The following PTPRT variants were observed in gnomAD, a reference collection of about 807,000 sequenced individuals.
The protein encoded by PTPRT is protein tyrosine phosphatase receptor type T.
In PTPRT, 56 loss-of-function variants were observed where a neutral mutation model predicts 176.8. The observed-to-expected ratio is 0.32, with a 90% CI of 0.26 to 0.40. The LOEUF (loss-of-function observed/expected upper bound fraction) is 0.40. Ranked by LOEUF, PTPRT falls within the 10% of genes least tolerant of loss-of-function variation. The pLI, the probability that PTPRT is intolerant of heterozygous loss-of-function variation, is 1.00. For missense variants in PTPRT, 1,540 were observed against 1,908.2 expected (o/e 0.81, Z 3.60); for synonymous variants, 783 against 739.0 (o/e 1.06, Z -0.96).
At chr20:43,166,342 A>AC (rs1250305258) in intron 1 of PTPRT, among the ~76,000 whole-genome samples, 1 of 150,712 alleles carries the variant, frequency 6.6e-6, no homozygotes, top group African/African-American at 2.4e-5. Flanking sequence ...AAAAAAAAAA[A>AC]CCCTCTATGG....
chr20:42,633,879 TA>T (rs2074481002), intron 7 of PTPRT, among the ~76,000 whole-genome samples: 2 of 83,248 alleles, frequency 2.4e-5, no homozygotes, highest in Admixed American at 2.2e-4. Context: ...TATAATATAT[TA>T]TAATATAATT....
intron 1 of PTPRT, among the ~76,000 whole-genome samples, chr20:43,023,293 T>C (rs570945568): frequency 4.6e-5 from 7 of 152,196 alleles, no homozygotes; most frequent in Non-Finnish European, 8.8e-5. Context: ...GCATAATGAC[T>C]GTGTGTGACC....
chr20:42,965,960 G>T (rs941449516), intron 1 of PTPRT, among the ~76,000 whole-genome samples: 1 of 152,168 alleles, frequency 6.6e-6, no homozygotes, highest in African/African-American at 2.4e-5. Context: ...AAGCTAGAAG[G>T]TGCAGAAAAG....
chr20:42,425,540 A>G (rs2059155529), intron 9 of PTPRT, among the ~76,000 whole-genome samples: 2 of 152,304 alleles, frequency 1.3e-5, no homozygotes, highest in East Asian at 3.9e-4. Context: ...AGTTCTGGGG[A>G]TCTAATCTAC....
intron 1 of PTPRT, among the ~76,000 whole-genome samples, chr20:43,154,195 TAC>T (rs576286964): frequency 6.4e-4 from 98 of 152,368 alleles, no homozygotes; most frequent in Non-Finnish European, 1.0e-3. Context: ...TTGATTTTTG[TAC>T]ACGGTGAGAG....
At chr20:42,800,508 G>C (rs905689340) in intron 2 of PTPRT, among the ~76,000 whole-genome samples, 5 of 152,176 alleles carry the variant, frequency 3.3e-5, no homozygotes, top group Non-Finnish European at 7.3e-5. Flanking sequence ...ATTGGGCTGA[G>C]TCCCTTGCTT....
At chr20:42,121,743 AT>A (rs2146336808) in intron 19 of PTPRT, among the ~76,000 whole-genome samples, 1 of 146,972 alleles carries the variant, frequency 6.8e-6, no homozygotes, top group South Asian at 2.1e-4. Flanking sequence ...ATGGATATAT[AT>A]GAAGAGATAT....
chr20:42,972,418 T>C (rs910618768), intron 1 of PTPRT, among the ~76,000 whole-genome samples: 1 of 151,526 alleles, frequency 6.6e-6, no homozygotes, highest in African/African-American at 2.4e-5. Context: ...TGCCAACACT[T>C]AGGGAGGCCG....
At chr20:42,042,737 T>C in the PTPRT span, among the ~76,000 whole-genome samples, 1 of 152,342 alleles carries the variant, frequency 6.6e-6, no homozygotes, top group Middle Eastern at 3.4e-3. Flanking sequence ...ACCAGCCTTA[T>C]AGCCAGTTAG....
At chr20:42,525,469 T>C (rs1465415546) in intron 7 of PTPRT, among the ~76,000 whole-genome samples, 3 of 152,210 alleles carry the variant, frequency 2.0e-5, no homozygotes, top group African/African-American at 7.2e-5. Flanking sequence ...GTGCTGTATA[T>C]TCACTTACAA....
intron 3 of PTPRT, 95 bp from the exon 4 acceptor site, chr20:42,780,394 TC>T: frequency 1.1e-6 from 1 of 928,700 alleles, no homozygotes; most frequent in Non-Finnish European, 1.7e-6. Context: ...TGTTTCAACT[TC>T]CCATCAGAAG....
intron 9 of PTPRT, among the ~76,000 whole-genome samples, chr20:42,439,856 G>A (rs541946782): frequency 3.9e-5 from 6 of 152,172 alleles, no homozygotes; most frequent in African/African-American, 1.4e-4. Context: ...GTAACTAGAC[G>A]CCTATTTATT....
At chr20:42,335,008 T>A (rs2058020872) in intron 11 of PTPRT, among the ~76,000 whole-genome samples, 1 of 152,188 alleles carries the variant, frequency 6.6e-6, no homozygotes, top group Non-Finnish European at 1.5e-5. Flanking sequence ...TGAGCAGTTT[T>A]AAGAAAATTC....
At chr20:43,180,904 T>G (rs2015241417) in intron 1 of PTPRT, among the ~76,000 whole-genome samples, 1 of 152,206 alleles carries the variant, frequency 6.6e-6, no homozygotes, top group Non-Finnish European at 1.5e-5. Context: ...GAGTGTGAGC[T>G]GAACCTAGTG....
rs1002095438 is a variant in PTPRT at position 42,352,356 on chromosome 20, G to A, written c.1561-71C>T. ...CAGGAAGCTGGATGGAGCTCCTTTA[G>A]AGGAACCTTAGGGAGGCGGGGGAAG... On this transcript the variant is annotated intron_variant, in intron 9 of 30. Coordinates refer to ENST00000373187, the MANE Select transcript of PTPRT (RefSeq NM_007050.6). 4.7e-5 allele frequency: 71 copies of A among 1,521,944 alleles called. No homozygotes were observed. In the Admixed American group the frequency reaches 5.7e-4, roughly 12 times the overall value. 94.3% of individuals were successfully genotyped at this position (1,521,944 alleles called of 1,614,324 possible).
chr20:43,143,727 T>C (rs1471362315), intron 1 of PTPRT, among the ~76,000 whole-genome samples: 1 of 152,114 alleles, frequency 6.6e-6, no homozygotes, highest in Non-Finnish European at 1.5e-5. Flanking sequence ...TCCAAGCTGA[T>C]CTGGGAAGCA....
chr20:42,569,128 C>T (rs2073107817), intron 7 of PTPRT, among the ~76,000 whole-genome samples: 1 of 119,404 alleles, frequency 8.4e-6, no homozygotes, highest in Non-Finnish European at 1.6e-5. Flanking sequence ...AACTTTCATG[C>T]CATGCCAGTA....
chr20:42,131,370 A>G (rs938327535), intron 18 of PTPRT, among the ~76,000 whole-genome samples: 1 of 152,240 alleles, frequency 6.6e-6, no homozygotes, highest in Admixed American at 6.5e-5. Context: ...TGGTCTCATT[A>G]TGACTTACTG....
chr20:42,858,027 G>A (rs2078595444), intron 2 of PTPRT, among the ~76,000 whole-genome samples: 1 of 152,152 alleles, frequency 6.6e-6, no homozygotes, highest in Non-Finnish European at 1.5e-5. Flanking sequence ...TGTATCCTCA[G>A]TGCCTGGCAT....
Sources: gnomAD v4.1 joint callset for allele counts (sites outside exome capture counted in the v4.1 genomes callset) on GRCh38, gnomAD v4.1.1 for gene constraint, MANE v1.5 for transcripts, NCBI Gene and HGNC (gene_info 2026-07-23, HGNC 2026-07-21) for gene names.